Variants in CTNND2 observed in about 807,000 individuals in gnomAD.
CTNND2 encodes catenin delta-2.
In CTNND2, 22 loss-of-function variants were observed where a neutral mutation model predicts 144.4. The ratio of observed to expected loss-of-function variants is 0.15; its 90% confidence interval spans 0.11 to 0.22. The LOEUF is 0.22. Ranked by LOEUF, CTNND2 falls within the 10% of genes least tolerant of loss-of-function variation. CTNND2 has a pLI of 1.00. For synonymous variants in CTNND2, 751 were observed against 695.6 expected, an observed-to-expected ratio of 1.08 and a Z score of -1.25; for missense variants, 1,353 against 1,618.8, an observed-to-expected ratio of 0.84 and a Z score of 2.82.
At chr5:11,372,717 A>G (rs915798783) in intron 7 of CTNND2, among the ~76,000 whole-genome samples, 1 of 152,222 alleles carries the variant, frequency 6.6e-6, no homozygotes, top group East Asian at 1.9e-4. Context: ...CCACAGGCAT[A>G]TGAATGCCTT....
intron 9 of CTNND2, among the ~76,000 whole-genome samples, chr5:11,293,501 C>G (rs1391055340): frequency 2.6e-5 from 4 of 152,108 alleles, no homozygotes; most frequent in Non-Finnish European, 4.4e-5. Context: ...CTCCACTGCA[C>G]ATTTTTACTG....
chr5:11,505,602 A>G (rs1770955887), intron 3 of CTNND2, among the ~76,000 whole-genome samples: 1 of 152,158 alleles, frequency 6.6e-6, no homozygotes, highest in South Asian at 2.1e-4. Context: ...CAAAAAGGAA[A>G]ACCAAAAATC....
intron 21 of CTNND2, among the ~76,000 whole-genome samples, chr5:10,976,972 T>C (rs1736566286): frequency 6.6e-6 from 1 of 152,238 alleles, no homozygotes; most frequent in Non-Finnish European, 1.5e-5. Flanking sequence ...AAATGCAGAT[T>C]ACTGGGTCCC....
chr5:11,560,703 C>T (rs1776614186), intron 3 of CTNND2, among the ~76,000 whole-genome samples: 1 of 152,164 alleles, frequency 6.6e-6, no homozygotes, highest in African/African-American at 2.4e-5. Context: ...ATCGAGAAGA[C>T]ATTCAGAAGG....
chr5:11,170,870 G>A (rs1159206476), intron 11 of CTNND2, among the ~76,000 whole-genome samples: 2 of 152,186 alleles, frequency 1.3e-5, no homozygotes, highest in African/African-American at 2.4e-5. Flanking sequence ...GGGAGAAGAC[G>A]AAGGAGGAGC....
At chr5:11,299,530 C>T (rs1004383436) in intron 9 of CTNND2, among the ~76,000 whole-genome samples, 3 of 152,206 alleles carry the variant, frequency 2.0e-5, no homozygotes, top group Non-Finnish European at 2.9e-5. Flanking sequence ...GTTCCCACCT[C>T]TCACAGGCCC....
At chr5:11,116,465 C>T (rs1177005355) in intron 13 of CTNND2, among the ~76,000 whole-genome samples, 1 of 152,172 alleles carries the variant, frequency 6.6e-6, no homozygotes. Context: ...TTATTACCTG[C>T]ATTACTTTAT....
chr5:11,307,388 G>A (rs192126817), intron 9 of CTNND2, among the ~76,000 whole-genome samples: 1 of 151,982 alleles, frequency 6.6e-6, no homozygotes, highest in African/African-American at 2.4e-5. Flanking sequence ...GGGGCACTAG[G>A]GGAAGCAACC....
At chr5:11,430,742 C>A (rs1763222789) in intron 3 of CTNND2, among the ~76,000 whole-genome samples, 1 of 152,190 alleles carries the variant, frequency 6.6e-6, no homozygotes, top group Non-Finnish European at 1.5e-5. Context: ...TTTTGCCTTA[C>A]TTTGGAAGTT....
At chr5:11,470,945 T>A (rs1302951652) in intron 3 of CTNND2, among the ~76,000 whole-genome samples, 1 of 131,928 alleles carries the variant, frequency 7.6e-6, no homozygotes, top group Non-Finnish European at 1.6e-5. Context: ...AGCTATTATT[T>A]GATACAAAGT....
chr5:11,315,311 TAGAG>T (rs1751374890), intron 9 of CTNND2, among the ~76,000 whole-genome samples: 1 of 152,204 alleles, frequency 6.6e-6, no homozygotes, highest in Non-Finnish European at 1.5e-5. Flanking sequence ...GATACAGTCT[TAGAG>T]AGAGTGAAGA....
chr5:11,304,393 C>T (rs542514475), intron 9 of CTNND2, among the ~76,000 whole-genome samples: 1 of 152,026 alleles, frequency 6.6e-6, no homozygotes, highest in African/African-American at 2.4e-5. Flanking sequence ...GCACACCACA[C>T]ACACTTACAC....
intron 2 of CTNND2, among the ~76,000 whole-genome samples, chr5:11,729,776 A>G (rs540382919): frequency 6.6e-6 from 1 of 152,348 alleles, no homozygotes; most frequent in South Asian, 2.1e-4. Context: ...AAAAAATTAT[A>G]GCAATTTATA....
At chr5:11,093,810 T>C (rs1273941351) in intron 15 of CTNND2, among the ~76,000 whole-genome samples, 5 of 152,214 alleles carry the variant, frequency 3.3e-5, no homozygotes, top group Non-Finnish European at 5.9e-5. Flanking sequence ...CTCAATCTTT[T>C]AATAATTCAA....
intron 10 of CTNND2, among the ~76,000 whole-genome samples, chr5:11,211,402 G>C (rs1738617995): frequency 6.6e-6 from 1 of 152,168 alleles, no homozygotes; most frequent in Non-Finnish European, 1.5e-5. Context: ...CATCAGCTAG[G>C]GCCACTGCCC....
chr5:11,698,089 A>T (rs1208873198), intron 2 of CTNND2, among the ~76,000 whole-genome samples: 1 of 152,122 alleles, frequency 6.6e-6, no homozygotes, highest in African/African-American at 2.4e-5. Context: ...TAAAAGTGAT[A>T]CTAGGTGGGG....
intron 2 of CTNND2, among the ~76,000 whole-genome samples, chr5:11,656,737 C>T (rs149085399): frequency 2.2e-3 from 332 of 152,176 alleles, no homozygotes; most frequent in Non-Finnish European, 3.3e-3. Flanking sequence ...ATGCAAGCTC[C>T]GTAACAGTGA....
At chr5:11,595,802 G>A (rs1283913555) in intron 2 of CTNND2, among the ~76,000 whole-genome samples, 4 of 152,186 alleles carry the variant, frequency 2.6e-5, no homozygotes, top group Admixed American at 2.0e-4. Context: ...AATACACAAC[G>A]ACAACGATTG....
chr5:11,832,644 T>A (rs1002279124), intron 1 of CTNND2, among the ~76,000 whole-genome samples: 5 of 151,896 alleles, frequency 3.3e-5, no homozygotes, highest in Non-Finnish European at 7.4e-5. Context: ...ATGGATAAAA[T>A]AAAACTATAT....
Sources: gnomAD v4.1 joint callset for allele counts (sites outside exome capture counted in the v4.1 genomes callset) on GRCh38, gnomAD v4.1.1 for gene constraint, MANE v1.5 for transcripts, NCBI Gene and HGNC (gene_info 2026-07-23, HGNC 2026-07-21) for gene names.